Variants in GPC5 observed in about 807,000 individuals in gnomAD.
The protein encoded by GPC5 is glypican-5.
In GPC5, 47 loss-of-function variants were observed where a neutral mutation model predicts 53.9. That is an observed-to-expected ratio of 0.87 (90% CI 0.69 to 1.11). The LOEUF is 1.11. Ranked by LOEUF, GPC5 falls within the 50% of genes most tolerant of loss-of-function variation. The pLI, the probability that GPC5 is intolerant of heterozygous loss-of-function variation, is 0.00. For missense variants in GPC5, 748 were observed against 713.1 expected (o/e 1.05, Z -0.56); for synonymous variants, 286 against 263.3 (o/e 1.09, Z -0.84).
Position 91,555,853 on chromosome 13 carries a change from C to T in GPC5, c.325+106931C>T, listed in dbSNP as rs142388171. ...ACCATCAAATCTCCTGAAAGTTATTCACTACCATGAGACCAGTATGGGGGA... is the reference window on the plus strand; with the variant it reads ...ACCATCAAATCTCCTGAAAGTTATTTACTACCATGAGACCAGTATGGGGGA... On this transcript the variant is annotated intron_variant, in intron 2 of 7. Transcript: ENST00000377067. Among the ~76,000 whole-genome samples the T allele has an allele frequency of 5.3e-5, 8 of 152,130 alleles. No individual in the cohort carries two copies. In the East Asian group the frequency reaches 1.6e-3, roughly 30 times the overall value.
At chr13:91,797,129 A>G (rs913404837) in intron 5 of GPC5, among the ~76,000 whole-genome samples, 3 of 152,186 alleles carry the variant, frequency 2.0e-5, no homozygotes, top group Admixed American at 6.5e-5. Context: ...GCCTAAAGAA[A>G]AACTTCATAC....
intron 1 of GPC5, among the ~76,000 whole-genome samples, chr13:91,439,776 A>G (rs929268799): frequency 6.6e-6 from 1 of 152,162 alleles, no homozygotes; most frequent in Non-Finnish European, 1.5e-5. Flanking sequence ...GTATATATCT[A>G]ACTTGCCCCC....
chr13:92,131,390 A>G (rs983124541), intron 6 of GPC5, among the ~76,000 whole-genome samples: 1 of 152,070 alleles, frequency 6.6e-6, no homozygotes, highest in African/African-American at 2.4e-5. Flanking sequence ...AAAGATATGT[A>G]TAAGATATTC....
chr13:92,754,428 G>C (rs9561139), intron 7 of GPC5, among the ~76,000 whole-genome samples: 4,834 of 152,038 alleles, frequency 0.032, 326 homozygotes, highest in East Asian at 0.28. Context: ...CAACTAATGA[G>C]CGAAATCACC....
intron 7 of GPC5, among the ~76,000 whole-genome samples, chr13:92,146,337 G>C (rs1594781618): frequency 6.6e-6 from 1 of 151,916 alleles, no homozygotes; most frequent in East Asian, 1.9e-4. Flanking sequence ...AATGTATTTG[G>C]GAATTAGCAA....
chr13:92,780,812 AATGAAGTC>A (rs1256366233), intron 7 of GPC5, among the ~76,000 whole-genome samples: 1 of 152,118 alleles, frequency 6.6e-6, no homozygotes, highest in Non-Finnish European at 1.5e-5. Flanking sequence ...TCAAGGTAAA[AATGAAGTC>A]ATTTTATCTA....
chr13:92,566,462 T>C (rs1172523278), intron 7 of GPC5, among the ~76,000 whole-genome samples: 1 of 152,120 alleles, frequency 6.6e-6, no homozygotes, highest in Non-Finnish European at 1.5e-5. Flanking sequence ...TGCAGTCAAT[T>C]CATTACATCA....
intron 5 of GPC5, among the ~76,000 whole-genome samples, chr13:91,905,305 C>A (rs557065800): frequency 2.1e-3 from 316 of 151,722 alleles, no homozygotes; most frequent in Non-Finnish European, 3.3e-3. Flanking sequence ...CTATCTCTCT[C>A]TATATATTTA....
chr13:92,110,677 A>G (rs1017060336), intron 6 of GPC5, among the ~76,000 whole-genome samples: 1 of 152,220 alleles, frequency 6.6e-6, no homozygotes, highest in South Asian at 2.1e-4. Flanking sequence ...GTCTCATTTT[A>G]GTTCTCTAAG....
At chr13:91,969,902 C>T (rs1310895121) in intron 6 of GPC5, among the ~76,000 whole-genome samples, 1 of 152,120 alleles carries the variant, frequency 6.6e-6, no homozygotes, top group Admixed American at 6.5e-5. Context: ...AAAGGGACCT[C>T]TTATACGCAC....
chr13:91,814,785 C>A (rs1330463329), intron 5 of GPC5, among the ~76,000 whole-genome samples: 8 of 152,122 alleles, frequency 5.3e-5, no homozygotes, highest in Non-Finnish European at 1.2e-4. Flanking sequence ...AGGTGATCCG[C>A]CCACCTCAGC....
At chr13:91,872,274 C>CA (rs1362107718) in intron 5 of GPC5, among the ~76,000 whole-genome samples, 2 of 151,922 alleles carry the variant, frequency 1.3e-5, no homozygotes, top group African/African-American at 4.8e-5. Context: ...GAAAAGAGCC[C>CA]AAATAAACAT....
chr13:92,113,807 A>G (rs964346536), intron 6 of GPC5, among the ~76,000 whole-genome samples: 1 of 152,006 alleles, frequency 6.6e-6, no homozygotes, highest in African/African-American at 2.4e-5. Flanking sequence ...CACTTTAAAT[A>G]AGTATAAAGA....
intron 4 of GPC5, among the ~76,000 whole-genome samples, chr13:91,736,544 T>C (rs1275099150): frequency 2.6e-5 from 4 of 151,100 alleles, no homozygotes; most frequent in Non-Finnish European, 5.9e-5. Flanking sequence ...CTGAGAACAG[T>C]TGTTGACTTG....
intron 7 of GPC5, among the ~76,000 whole-genome samples, chr13:92,836,075 A>G (rs1448895178): frequency 6.6e-6 from 1 of 151,860 alleles, no homozygotes; most frequent in Non-Finnish European, 1.5e-5. Context: ...TTTTATTTTG[A>G]CATCTTTCCT....
At chr13:92,860,603 A>G (rs1879149380) in intron 7 of GPC5, among the ~76,000 whole-genome samples, 1 of 152,138 alleles carries the variant, frequency 6.6e-6, no homozygotes, top group Non-Finnish European at 1.5e-5. Context: ...GCCAAAATAC[A>G]TGTGGCTAAT....
intron 7 of GPC5, among the ~76,000 whole-genome samples, chr13:92,290,788 C>A (rs1041039165): frequency 1.1e-4 from 16 of 152,220 alleles, no homozygotes; most frequent in Non-Finnish European, 2.1e-4. Context: ...ACTTTGGCGG[C>A]ACTTGAGGAG....
At chr13:91,521,625 A>G (rs924392766) in intron 2 of GPC5, among the ~76,000 whole-genome samples, 2 of 152,070 alleles carry the variant, frequency 1.3e-5, no homozygotes, top group Non-Finnish European at 2.9e-5. Context: ...ATTTTTTTCT[A>G]TTCTTTCATT....
intron 6 of GPC5, among the ~76,000 whole-genome samples, chr13:92,074,486 G>A (rs1260172321): frequency 1.3e-5 from 2 of 152,158 alleles, no homozygotes; most frequent in Non-Finnish European, 2.9e-5. Context: ...TAAGTGTGGG[G>A]GAGCTGTGAA....
Sources: allele counts gnomAD v4.1 joint callset (sites outside exome capture counted in the v4.1 genomes callset), GRCh38; gene constraint gnomAD v4.1.1; transcripts MANE v1.5; gene names NCBI Gene and HGNC (gene_info 2026-07-23, HGNC 2026-07-21).